Variants in MED15 observed in about 807,000 individuals in gnomAD.
MED15 encodes mediator of RNA polymerase II transcription subunit 15.
Under a neutral mutation model 118.7 loss-of-function variants are expected in MED15, and 41 were observed. The ratio of observed to expected loss-of-function variants is 0.35; its 90% CI spans 0.27 to 0.45. MED15 has a LOEUF of 0.45. MED15 is among the 20% of genes least tolerant of loss of function. The pLI, the probability that MED15 is intolerant of heterozygous loss-of-function variation, is 1.00. For missense variants in MED15, 740 were observed against 1,025.5 expected (o/e 0.72, Z 3.80); for synonymous variants, 436 against 413.9 (o/e 1.05, Z -0.65).
At chr22:20,569,074 C>T (rs55636848) in intron 8 of MED15, among the ~76,000 whole-genome samples, 3,871 of 152,296 alleles carry the variant, frequency 0.025, 173 homozygotes, top group African/African-American at 0.088. Flanking sequence ...GAGAAGGCAT[C>T]CTGGTGCTCG....
intron 2 of MED15, among the ~76,000 whole-genome samples, chr22:20,537,803 C>G (rs578214158): frequency 1.3e-5 from 2 of 152,306 alleles, no homozygotes; most frequent in South Asian, 4.1e-4. Context: ...TAGAAATGAA[C>G]AAAACACATA....
chr22:20,550,185 C>G (rs957241346), intron 2 of MED15, among the ~76,000 whole-genome samples: 3 of 152,154 alleles, frequency 2.0e-5, no homozygotes, highest in African/African-American at 7.2e-5. Context: ...TCTCATACCA[C>G]TGTCCTTCAG....
chr22:20,563,971 T>C (rs1023056030), intron 5 of MED15, among the ~76,000 whole-genome samples: 6 of 152,216 alleles, frequency 3.9e-5, no homozygotes, highest in African/African-American at 1.4e-4. Context: ...GCAGCGCAAA[T>C]GTTCATCACA....
intron 2 of MED15, among the ~76,000 whole-genome samples, chr22:20,544,761 A>C (rs997675163): frequency 2.6e-5 from 4 of 152,218 alleles, no homozygotes; most frequent in Non-Finnish European, 4.4e-5. Flanking sequence ...GGCAGCAGGG[A>C]GGCTATAGGA....
chr22:20,554,977 G>A lies in MED15; in HGVS notation c.280G>A (p.Ala94Thr). ...ALQSLTGGPA[A>T]GAAGIGMPPR... is the part of the protein sequence containing the mutation. ...CCAGAGCCTGACTGGCGGACCTGCT[G>A]CGGGAGCCGCTGGAATTGGCATGCC... The change falls in exon 5 of 18, where the codon GCG becomes ACG. Residue 94 changes from alanine to threonine, a missense_variant. By Grantham distance (58) the Ala-to-Thr change is moderately conservative. Transcript: ENST00000263205. 6.2e-7 allele frequency: 1 copy of A among 1,610,662 alleles called. No homozygotes were observed. The highest frequency in any genetic ancestry group is 8.5e-7 in the Non-Finnish European group (1 of 1,179,972).
intron 1 of MED15, chr22:20,519,095 C>T (rs1457893202): frequency 3.0e-6 from 1 of 333,792 alleles, no homozygotes; most frequent in Non-Finnish European, 5.9e-6. Flanking sequence ...CTCAAGCGAT[C>T]TGCTGCCTCC....
intron 2 of MED15, among the ~76,000 whole-genome samples, chr22:20,537,653 T>C (rs2055133535): frequency 6.6e-6 from 1 of 152,246 alleles, no homozygotes; most frequent in South Asian, 2.1e-4. Context: ...GATGCTTATC[T>C]AGAACTCGCC....
At chr22:20,553,276 T>A in intron 4 of MED15, 102 bp downstream of exon 4, 3 of 1,209,798 alleles carry the variant, frequency 2.5e-6, no homozygotes, top group Non-Finnish European at 3.6e-6. Context: ...AACCTGTCAC[T>A]AGAGGAGAAT....
intron 16 of MED15, 160 bp downstream of exon 16, chr22:20,585,427 C>T: frequency 1.0e-6 from 1 of 994,392 alleles, no homozygotes. Context: ...GGGCTCCAGA[C>T]AGCCTGGCCA....
rs181185198 is a variant in MED15 at position 20,508,825 on chromosome 22, A to G, written c.68+1079A>G. On this transcript the variant is annotated intron_variant, in intron 1 of 17. Coordinates refer to ENST00000263205, the MANE Select transcript of MED15 (RefSeq NM_001003891.3). ...ATGCGATGGCCTGGCCTGGGCTCAG[A>G]GGCCTGACAGTTTTTAACTGAGCTT... Among the ~76,000 whole-genome samples, 984 of 152,308 alleles carry G rather than the reference A, an allele frequency of 6.5e-3. 12 individuals carry two copies. Among genetic ancestry groups the G allele is most frequent in the African/African-American group, 0.022 (932 of 41,562 alleles).
chr22:20,554,628 A>G (rs899594518), intron 4 of MED15: 7 of 245,344 alleles, frequency 2.9e-5, no homozygotes, highest in Non-Finnish European at 5.5e-5. Flanking sequence ...AGGGGTTGCC[A>G]CCTGCCCTCA....
chr22:20,568,116 C>T (rs559614939), intron 7 of MED15, among the ~76,000 whole-genome samples: 2 of 152,222 alleles, frequency 1.3e-5, no homozygotes, highest in African/African-American at 4.8e-5. Flanking sequence ...GCTGAGAATA[C>T]AGACAGGAGC....
chr22:20,519,374 G>A (rs1171134044), intron 1 of MED15, among the ~76,000 whole-genome samples: 1 of 152,102 alleles, frequency 6.6e-6, no homozygotes, highest in Admixed American at 6.6e-5. Context: ...ATTTAGGGCA[G>A]TGAGTCCTTG....
In MED15 at chr22:20,586,065, G is replaced by A. The variant is rs558905714; in HGVS notation, c.2230+239G>A. ...CCTTCGCCCCTTCAACTTGTGTCAC[G>A]TCAGCTGTCCAGGGTGGTTGTGTTC... On this transcript the variant is annotated intron_variant, in intron 17 of 17. Coordinates refer to ENST00000263205, the MANE Select transcript of MED15 (RefSeq NM_001003891.3). 2.6e-5 allele frequency among the ~76,000 whole-genome samples: 4 copies of A among 152,288 alleles called. 1 individual carries two copies. Among genetic ancestry groups the A allele is most frequent in the African/African-American group, 9.6e-5 (4 of 41,554 alleles).
chr22:20,566,910 T>C, intron 7 of MED15, 93 bp downstream of exon 7: 1 of 1,550,074 alleles, frequency 6.5e-7, no homozygotes, highest in East Asian at 2.3e-5. Context: ...GCATATCCTA[T>C]TCTTCAAGTG....
At position 20,583,090 on chromosome 22, in the gene MED15, C is replaced by T. The variant is rs1157272500; in HGVS notation, c.1538-23C>T. 2.6e-6 allele frequency: 4 copies of T among 1,565,726 alleles called. No individual in the cohort carries two copies. In the East Asian group the frequency reaches 9.0e-5, roughly 35 times the overall value. On this transcript the variant is annotated intron_variant, in intron 11 of 17. Coordinates refer to ENST00000263205, the MANE Select transcript of MED15 (RefSeq NM_001003891.3). ...CCCACCCGAGGGTCGAGGGCTGTGG[C>T]CTCACCCGCCTGTGTCCTGCAGTGA...
chr22:20,523,841 CA>C (rs1254897892), intron 1 of MED15: 17 of 985,184 alleles, frequency 1.7e-5, no homozygotes, highest in Non-Finnish European at 2.0e-5. Context: ...TGAAGGGCAG[CA>C]GCCTTTTCTG....
rs1330536400 is a variant in MED15 at position 20,564,499 on chromosome 22, G to A, written c.501G>A (p.Gln167=). ...CGCTGCAGCAGCAGCAGCAACAGCA[G>A]CAGTTCCAGCAGCAGCAGCAGGCGG... ...QVALQQQQQQ[Q]QFQQQQQAAL... Residue 167 remains glutamine, a synonymous_variant, in exon 6 of 18, where the codon CAG becomes CAA. Coordinates refer to ENST00000263205, the MANE Select transcript of MED15 (RefSeq NM_001003891.3). 6.2e-7 allele frequency: 1 copy of A among 1,609,792 alleles called. No individual in the cohort carries two copies.
intron 16 of MED15, chr22:20,585,481 C>T (rs1318220449): frequency 8.1e-6 from 6 of 737,058 alleles, no homozygotes; most frequent in Admixed American, 2.8e-5. Flanking sequence ...CTCACCTCCC[C>T]AACACAGATG....
Sources: allele counts gnomAD v4.1 joint callset (sites outside exome capture counted in the v4.1 genomes callset), GRCh38; gene constraint gnomAD v4.1.1; transcripts MANE v1.5; gene names NCBI Gene and HGNC (gene_info 2026-07-23, HGNC 2026-07-21).